KLHL4: variants seen among roughly 807,000 people sequenced by gnomAD.
KLHL4 encodes the protein kelch-like protein 4.
Under a neutral mutation model 45.8 loss-of-function variants are expected in KLHL4, and 17 were observed. The observed-to-expected ratio is 0.37, with a 90% CI of 0.25 to 0.56. The LOEUF (loss-of-function observed/expected upper bound fraction) is 0.56. Among genes scored for constraint, KLHL4 ranks in the 20% least tolerant of loss-of-function variants. The pLI is 0.79. For synonymous variants in KLHL4, 224 were observed against 189.9 expected (o/e 1.18, Z -1.47); for missense variants, 544 against 544.9 (o/e 1.00, Z 0.02).
chrX:87,617,891 A>T, intron 3 of KLHL4, 41 bp from the exon 4 acceptor site: 2 of 1,094,869 alleles, frequency 1.8e-6, no homozygotes, highest in Non-Finnish European at 1.2e-6. Flanking sequence ...TTTTTACTTT[A>T]TGGAACTTAT....
At chrX:87,546,471 G>A (rs1442352644) in intron 1 of KLHL4, among the ~76,000 whole-genome samples, 1 of 112,419 alleles carries the variant, frequency 8.9e-6, no homozygotes, top group Non-Finnish European at 1.9e-5. Context: ...ACACCTGGAT[G>A]TTCAGGCAGA....
chrX:87,634,510 T>G (rs887566105), intron 8 of KLHL4, among the ~76,000 whole-genome samples: 7 of 111,861 alleles, frequency 6.3e-5, no homozygotes, highest in African/African-American at 2.0e-4. Context: ...AAGGGAACTT[T>G]GGAGACAATG....
At chrX:87,632,506 C>A in intron 7 of KLHL4, 72 bp downstream of exon 7, 1 of 702,528 alleles carries the variant, frequency 1.4e-6, no homozygotes, top group Non-Finnish European at 2.1e-6. Flanking sequence ...AATCTAGCAG[C>A]ACATTATTGG....
At chrX:87,546,940 A>C (rs1225349995) in intron 1 of KLHL4, among the ~76,000 whole-genome samples, 1 of 112,526 alleles carries the variant, frequency 8.9e-6, no homozygotes, top group Non-Finnish European at 1.9e-5. Context: ...TTCAATGCCT[A>C]TACCTCTGTT....
intron 1 of KLHL4, among the ~76,000 whole-genome samples, chrX:87,545,906 A>G (rs944897156): frequency 8.0e-5 from 9 of 111,841 alleles, no homozygotes; most frequent in African/African-American, 2.6e-4. Flanking sequence ...TTTAGCAAAG[A>G]GACTGGCAGC....
chrX:87,568,821 A>C (rs1300861069), intron 1 of KLHL4, among the ~76,000 whole-genome samples: 1 of 111,667 alleles, frequency 9.0e-6, no homozygotes, highest in Non-Finnish European at 1.9e-5. Flanking sequence ...TTGGATCCTT[A>C]GCTCAAAGCA....
intron 1 of KLHL4, among the ~76,000 whole-genome samples, chrX:87,589,380 T>A (rs1393773484): frequency 8.9e-5 from 10 of 112,248 alleles, no homozygotes; most frequent in Non-Finnish European, 1.3e-4. Flanking sequence ...CAACAGTGTT[T>A]ACAATAGCTA....
chrX:87,572,533 C>T (rs965770146), intron 1 of KLHL4, among the ~76,000 whole-genome samples: 2 of 110,454 alleles, frequency 1.8e-5, no homozygotes, highest in African/African-American at 6.5e-5. Context: ...ATAGTCCACT[C>T]TTTTCAGATA....
chrX:87,521,032 AT>A (rs1316712095), intron 1 of KLHL4, among the ~76,000 whole-genome samples: 1 of 111,906 alleles, frequency 8.9e-6, no homozygotes, highest in Non-Finnish European at 1.9e-5. Context: ...CAAATGAACC[AT>A]TTATGGGCCA....
At chrX:87,637,118 G>C (rs1384159300) in intron 9 of KLHL4, among the ~76,000 whole-genome samples, 1 of 111,445 alleles carries the variant, frequency 9.0e-6, no homozygotes, top group East Asian at 2.8e-4. Flanking sequence ...CTCCACGAGA[G>C]TAGGTGCTAG....
intron 9 of KLHL4, among the ~76,000 whole-genome samples, chrX:87,648,994 A>T (rs1397702643): frequency 8.9e-6 from 1 of 111,904 alleles, no homozygotes; most frequent in Non-Finnish European, 1.9e-5. Flanking sequence ...CATAAGCAAT[A>T]AACAATCACC....
intron 4 of KLHL4, among the ~76,000 whole-genome samples, chrX:87,620,118 T>C (rs1241586580): frequency 9.0e-6 from 1 of 111,491 alleles, no homozygotes; most frequent in Non-Finnish European, 1.9e-5. Context: ...ACCATTTAAA[T>C]CATACAGATA....
chrX:87,554,030 A>G (rs993157257), intron 1 of KLHL4, among the ~76,000 whole-genome samples: 1 of 106,635 alleles, frequency 9.4e-6, no homozygotes, highest in Non-Finnish European at 1.9e-5. Flanking sequence ...ATAATTGTAG[A>G]TATGCGGCAT....
chrX:87,578,022 A>C (rs1166377062), intron 1 of KLHL4, among the ~76,000 whole-genome samples: 1 of 111,618 alleles, frequency 9.0e-6, no homozygotes, highest in Non-Finnish European at 1.9e-5. Flanking sequence ...AAAAATTTAT[A>C]TCTCTGTCAT....
intron 1 of KLHL4, among the ~76,000 whole-genome samples, chrX:87,588,211 T>C (rs983980384): frequency 4.5e-5 from 5 of 111,511 alleles, no homozygotes; most frequent in Non-Finnish European, 9.4e-5. Flanking sequence ...TGTTAAAATG[T>C]CCATACTACC....
chrX:87,590,485 G>A (rs1315914622), intron 1 of KLHL4, among the ~76,000 whole-genome samples: 1 of 111,400 alleles, frequency 9.0e-6, no homozygotes, highest in Non-Finnish European at 1.9e-5. Flanking sequence ...AATCTCAGAA[G>A]AAAACCTTAA....
intron 1 of KLHL4, among the ~76,000 whole-genome samples, chrX:87,601,756 A>C: frequency 9.0e-6 from 1 of 111,674 alleles, no homozygotes; most frequent in Non-Finnish European, 1.9e-5. Flanking sequence ...TACTCTAAAA[A>C]TATCCTAAAT....
intron 1 of KLHL4, among the ~76,000 whole-genome samples, chrX:87,578,770 C>CT (rs927252949): frequency 5.4e-5 from 6 of 111,790 alleles, no homozygotes; most frequent in Middle Eastern, 9.3e-3. Flanking sequence ...CAGTTTCTGT[C>CT]TTTTTTTGCA....
At chrX:87,590,836 A>G (rs1019725354) in intron 1 of KLHL4, among the ~76,000 whole-genome samples, 1 of 111,921 alleles carries the variant, frequency 8.9e-6, no homozygotes, top group Non-Finnish European at 1.9e-5. Context: ...TTCATTTGTT[A>G]AAGGCTGAAT....
Sources: gnomAD v4.1 joint callset for allele counts (sites outside exome capture counted in the v4.1 genomes callset) on GRCh38, gnomAD v4.1.1 for gene constraint, MANE v1.5 for transcripts, NCBI Gene and HGNC (gene_info 2026-07-23, HGNC 2026-07-21) for gene names.